COL4A4: variants seen among roughly 807,000 people sequenced by gnomAD.
COL4A4 encodes collagen alpha-4(IV) chain.
Under a neutral mutation model 192.9 loss-of-function variants are expected in COL4A4, and 105 were observed. That is an observed-to-expected ratio of 0.54 (90% CI 0.46 to 0.64). The LOEUF is 0.64. Among genes scored for constraint, COL4A4 ranks in the 30% least tolerant of loss-of-function variants. The pLI is 0.00. For missense variants in COL4A4, 1,967 were observed against 2,169.3 expected (o/e 0.91, Z 1.85); for synonymous variants, 762 against 769.9 (o/e 0.99, Z 0.17).
At chr2:227,010,849 G>A (rs1489231352) in intron 45 of COL4A4, among the ~76,000 whole-genome samples, 1 of 152,182 alleles carries the variant, frequency 6.6e-6, no homozygotes, top group Non-Finnish European at 1.5e-5. Context: ...GAAATACGCT[G>A]GGAAGAAAAG....
intron 4 of COL4A4, among the ~76,000 whole-genome samples, chr2:227,133,863 C>T (rs950190634): frequency 6.6e-6 from 1 of 151,070 alleles, no homozygotes; most frequent in Non-Finnish European, 1.5e-5. Context: ...GACACTCCAG[C>T]CTGAATGAGA....
intron 43 of COL4A4, among the ~76,000 whole-genome samples, chr2:227,025,465 A>AT (rs1018642621): frequency 3.9e-5 from 6 of 152,170 alleles, no homozygotes; most frequent in Non-Finnish European, 8.8e-5. Flanking sequence ...CTAGGTATTT[A>AT]TATTGTAGAA....
At chr2:227,033,279 C>T (rs955028111) in intron 38 of COL4A4, 131 bp downstream of exon 38, 7 of 756,034 alleles carry the variant, frequency 9.3e-6, no homozygotes, top group African/African-American at 1.7e-5. Flanking sequence ...TAGTGTGTCT[C>T]TAACCTAAGC....
chr2:227,056,408 T>C (rs1283318718), intron 29 of COL4A4, among the ~76,000 whole-genome samples: 1 of 152,216 alleles, frequency 6.6e-6, no homozygotes, highest in African/African-American at 2.4e-5. Flanking sequence ...GTATTTCCTC[T>C]TGGTGGAGGG....
At position 227,077,846 on chromosome 2, in the gene COL4A4, A is replaced by G. The variant is rs150236630; in HGVS notation, c.1987+48T>C. ...ATTCTTCCACATAAGAAAAATAAAC[A>G]CTTGTACCCCAAAGCTATTGAAATA... On this transcript the variant is annotated intron_variant, in intron 25 of 47. Coordinates refer to ENST00000396625, the MANE Select transcript of COL4A4 (RefSeq NM_000092.5). 4.5e-4 allele frequency: 685 copies of G among 1,512,030 alleles called. 1 individual carries two copies. In the African/African-American group the frequency reaches 8.3e-3, roughly 18 times the overall value. The allele number at this position is 1,512,030 out of a possible 1,614,324, so 93.7% of individuals were successfully genotyped here.
At chr2:227,145,773 A>G (rs1576859067) in intron 2 of COL4A4, among the ~76,000 whole-genome samples, 1 of 152,286 alleles carries the variant, frequency 6.6e-6, no homozygotes, top group Middle Eastern at 3.4e-3. Context: ...AGGGCTGTGG[A>G]TCTGGGAGAC....
chr2:227,093,717 C>G (rs2060057625), intron 20 of COL4A4, among the ~76,000 whole-genome samples: 1 of 151,806 alleles, frequency 6.6e-6, no homozygotes, highest in Non-Finnish European at 1.5e-5. Flanking sequence ...TAATAAAACT[C>G]CAGTCTTCCA....
chr2:227,027,595 G>A (rs2149919827), intron 42 of COL4A4, among the ~76,000 whole-genome samples: 1 of 150,614 alleles, frequency 6.6e-6, no homozygotes, highest in Middle Eastern at 3.4e-3. Context: ...TAACAAACCT[G>A]CACGTTGTGC....
chr2:227,021,947 G>A (rs1268258779), intron 44 of COL4A4, 101 bp downstream of exon 44: 1 of 1,346,276 alleles, frequency 7.4e-7, no homozygotes, highest in Non-Finnish European at 1.0e-6. Flanking sequence ...TTTCTCCTCA[G>A]TAGTTTAGGC....
chr2:227,051,714 A>C (rs1424610662), intron 32 of COL4A4, among the ~76,000 whole-genome samples: 1 of 152,174 alleles, frequency 6.6e-6, no homozygotes, highest in Non-Finnish European at 1.5e-5. Context: ...CAATGACTTG[A>C]ACAGTCATTG....
chr2:227,153,165 C>T (rs1406363911), intron 1 of COL4A4, among the ~76,000 whole-genome samples: 1 of 152,148 alleles, frequency 6.6e-6, no homozygotes, highest in Non-Finnish European at 1.5e-5. Context: ...GCAAATCACC[C>T]CCATTGATTC....
the COL4A4 span, among the ~76,000 whole-genome samples, chr2:226,973,680 G>A: frequency 6.6e-6 from 1 of 152,192 alleles, no homozygotes; most frequent in Non-Finnish European, 1.5e-5. Flanking sequence ...AGATGGAGAT[G>A]TTCATTCTTG....
At position 227,031,974 on chromosome 2, in the gene COL4A4, T is replaced by C. The variant is rs1368476351; in HGVS notation, c.3788A>G (p.Gln1263Arg). ...DIPDPGPPGD[Q>R]GPPGPDGPRG... ...TGGGCCATCAGGACCAGGAGGTCCC[T>C]GATCTCCAGGTGGACCCGGGTCAGG... Residue 1263 changes from glutamine (Q) to arginine (R), a missense_variant, in exon 40 of 48, where the codon CAG becomes CGG. By Grantham distance (43) the Gln-to-Arg change is conservative. Transcript: ENST00000396625. The C allele has an allele frequency of 2.5e-6, 4 of 1,613,526 alleles. No individual in the cohort carries two copies. Among genetic ancestry groups the C allele is most frequent in the Admixed American group, 3.3e-5 (2 of 60,002 alleles).
chr2:227,008,811 C>CA (rs1289120354), intron 46 of COL4A4, among the ~76,000 whole-genome samples: 5 of 152,202 alleles, frequency 3.3e-5, no homozygotes, highest in African/African-American at 1.2e-4. Flanking sequence ...TCAGAGAACT[C>CA]AGACATGTTC....
At chr2:227,119,373 CAT>C (rs1446593042) in intron 6 of COL4A4, among the ~76,000 whole-genome samples, 1 of 150,554 alleles carries the variant, frequency 6.6e-6, no homozygotes, top group Admixed American at 6.6e-5. Context: ...TGCACCATAA[CAT>C]ATATATATCT....
rs540794839 is a variant in COL4A4, at chr2:227,142,742, T to C, written c.114+1774A>G. Among the ~76,000 whole-genome samples the C allele has an allele frequency of 2.8e-4, 42 of 147,538 alleles. No individual in the cohort carries two copies. The East Asian group carries it at 6.9e-3, about 24-fold the overall frequency. On this transcript the variant is annotated intron_variant, in intron 3 of 47. Transcript: ENST00000396625. ...CTGCACTCCAGCTTGGGTGACACAG[T>C]GAGACCCTGTCTCACAAAAAAAAAA...
downstream of COL4A4, among the ~76,000 whole-genome samples, chr2:227,001,737 T>C (rs1049696055): frequency 4.6e-5 from 7 of 151,960 alleles, no homozygotes; most frequent in African/African-American, 1.7e-4. Flanking sequence ...AGCTGTAGGG[T>C]TGAGAGGAAG....
chr2:227,070,401 T>G (rs2150388459), intron 25 of COL4A4, among the ~76,000 whole-genome samples: 1 of 152,314 alleles, frequency 6.6e-6, no homozygotes, highest in South Asian at 2.1e-4. Context: ...ATCATGCTGC[T>G]TTAAAGACAC....
intron 37 of COL4A4, among the ~76,000 whole-genome samples, chr2:227,040,413 C>G (rs1252376776): frequency 6.6e-6 from 1 of 152,104 alleles, no homozygotes; most frequent in Non-Finnish European, 1.5e-5. Flanking sequence ...AACCAATATA[C>G]TTGTTATTGA....
Sources: gnomAD v4.1 joint callset for allele counts (sites outside exome capture counted in the v4.1 genomes callset) on GRCh38, gnomAD v4.1.1 for gene constraint, MANE v1.5 for transcripts, NCBI Gene and HGNC (gene_info 2026-07-23, HGNC 2026-07-21) for gene names.